The following BARD1 variants were observed in gnomAD, a reference collection of about 807,000 sequenced individuals.
BARD1 encodes BRCA1-associated RING domain protein 1.
Under a neutral mutation model 77.0 loss-of-function variants are expected in BARD1, and 73 were observed. The observed-to-expected ratio is 0.95, with a 90% CI of 0.79 to 1.15. The LOEUF is 1.15. Among genes scored for constraint, BARD1 ranks in the 50% most tolerant of loss-of-function variants. The pLI, the probability that BARD1 is intolerant of heterozygous loss-of-function variation, is 0.00. For missense variants in BARD1, 993 were observed against 938.8 expected (o/e 1.06, Z -0.75); for synonymous variants, 384 against 338.0 (o/e 1.14, Z -1.49).
rs548901932 is a variant in BARD1, at chr2:214,806,490, G to A, written c.158+2922C>T. Among the ~76,000 whole-genome samples, 3 of 152,332 alleles carry A rather than the reference G, an allele frequency of 2.0e-5. No individual in the cohort carries two copies. The South Asian group carries it at 6.2e-4, about 32-fold the overall frequency. On this transcript the variant is annotated intron_variant, in intron 1 of 10. Coordinates refer to ENST00000260947, the MANE Select transcript of BARD1 (RefSeq NM_000465.4). ...AACAATGCTTTTCCTCCTTGAGTAA[G>A]GTGCAGCTGGCCATGCTTTTTTCAC... is the stretch of plus-strand genomic sequence containing the variant.
intron 7 of BARD1, among the ~76,000 whole-genome samples, chr2:214,747,694 T>G: frequency 9.4e-6 from 1 of 105,972 alleles, no homozygotes; most frequent in Non-Finnish European, 1.8e-5. Flanking sequence ...CATCACACTC[T>G]GGGGACTGTT....
intron 3 of BARD1, among the ~76,000 whole-genome samples, chr2:214,789,145 T>A (rs978733901): frequency 5.3e-5 from 8 of 152,148 alleles, no homozygotes; most frequent in Non-Finnish European, 1.0e-4. Context: ...ATACTACCAT[T>A]ATAATTTTTT....
At chr2:214,751,117 G>GTGTATATATATATA (rs1486423673) in intron 7 of BARD1, among the ~76,000 whole-genome samples, 7 of 16,288 alleles carry the variant, frequency 4.3e-4, no homozygotes, top group Non-Finnish European at 8.3e-4. Flanking sequence ...GTGTGTGTGT[G>GTGTATATATATATA]TATATATATA....
chr2:214,808,147 C>T (rs1015852646), intron 1 of BARD1, among the ~76,000 whole-genome samples: 4 of 152,248 alleles, frequency 2.6e-5, no homozygotes, highest in Non-Finnish European at 5.9e-5. Flanking sequence ...CCGTGGCTCA[C>T]GCCTGTAATC....
chr2:214,751,113 GTGTGTATATATATA>G (rs1441200298), intron 7 of BARD1, among the ~76,000 whole-genome samples: 94 of 9,140 alleles, frequency 0.01, no homozygotes, highest in South Asian at 0.054. Flanking sequence ...GTGTGTGTGT[GTGTGTATATATATA>G]TATATATATA....
At chr2:214,735,298 G>C (rs1206234251) in intron 9 of BARD1, among the ~76,000 whole-genome samples, 1 of 152,044 alleles carries the variant, frequency 6.6e-6, no homozygotes, top group Non-Finnish European at 1.5e-5. Context: ...AAAAAACATG[G>C]CATCAACAGA....
At chr2:214,806,616 G>A (rs1042932874) in intron 1 of BARD1, among the ~76,000 whole-genome samples, 1 of 152,198 alleles carries the variant, frequency 6.6e-6, no homozygotes, top group Non-Finnish European at 1.5e-5. Context: ...GCTCACGCCT[G>A]TAATCCCAGC....
chr2:214,748,062 A>T (rs1161588825), intron 7 of BARD1, among the ~76,000 whole-genome samples: 1 of 152,142 alleles, frequency 6.6e-6, no homozygotes, highest in East Asian at 1.9e-4. Flanking sequence ...CACTTCAGCT[A>T]CATTAGTTCT....
intron 6 of BARD1, among the ~76,000 whole-genome samples, chr2:214,766,827 A>G (rs1425903053): frequency 6.6e-6 from 1 of 151,894 alleles, no homozygotes; most frequent in East Asian, 1.9e-4. Context: ...CCCCTTTTTA[A>G]ACTTTTATTC....
intron 4 of BARD1, among the ~76,000 whole-genome samples, chr2:214,774,927 C>T (rs1559417570): frequency 6.6e-6 from 1 of 152,140 alleles, no homozygotes; most frequent in Non-Finnish European, 1.5e-5. Context: ...CTGCTAGCTT[C>T]CAACTTTTCT....
intron 7 of BARD1, among the ~76,000 whole-genome samples, chr2:214,749,011 C>G (rs1257154917): frequency 2.6e-5 from 4 of 151,992 alleles, no homozygotes; most frequent in African/African-American, 4.8e-5. Flanking sequence ...AATAAAAATA[C>G]ATTACATCAA....
intron 9 of BARD1, among the ~76,000 whole-genome samples, chr2:214,738,914 G>A (rs912577799): frequency 2.6e-5 from 4 of 152,118 alleles, no homozygotes; most frequent in African/African-American, 4.8e-5. Flanking sequence ...GGAGGGTGAA[G>A]CAGGAAGACC....
At chr2:214,732,409 T>C (rs1201623525) in intron 9 of BARD1, among the ~76,000 whole-genome samples, 2 of 152,112 alleles carry the variant, frequency 1.3e-5, no homozygotes, top group Non-Finnish European at 2.9e-5. Flanking sequence ...TTTTTTTTTT[T>C]TTCTGAGACA....
chr2:214,770,230 C>T (rs541983961), intron 4 of BARD1, among the ~76,000 whole-genome samples: 3 of 152,308 alleles, frequency 2.0e-5, no homozygotes, highest in East Asian at 1.9e-4. Context: ...CCCTGCTCCC[C>T]GCCCAGTTCA....
rs1046475256 is a variant in BARD1, at chr2:214,727,245, G to T, written c.*1431C>A. The T allele has an allele frequency of 4.4e-6, 1 of 228,554 alleles. No homozygotes were observed. Among genetic ancestry groups the T allele is most frequent in the South Asian group, 1.8e-4 (1 of 5,496 alleles). The allele number at this position is 228,554 out of a possible 1,614,324, so 14.2% of individuals were successfully genotyped here. A position where few individuals can be genotyped will look rare whatever the true frequency, so the allele number is the denominator to read the frequency against. On this transcript the variant is annotated 3_prime_UTR_variant, in exon 11 of 11. Transcript: ENST00000260947. ...GTCAAAGAAAGAATTAAAGCAAAAT[G>T]TGTTTTCAAATGATAAACAGAATCT...
rs1553612199 is a variant in BARD1 at position 214,728,930 on chromosome 2, G to A, written c.2080C>T (p.Leu694Phe). The A allele has an allele frequency of 6.2e-7, 1 of 1,614,070 alleles. No homozygotes were observed. Among genetic ancestry groups the A allele is most frequent in the African/African-American group, 1.3e-5 (1 of 74,922 alleles). Reference sequence around the variant, plus strand: ...ATCTGGCCCCCACCTGCAGTGACGAGCTTAATAAGGTTGTCCTTTGGATGG... The same window carrying A: ...ATCTGGCCCCCACCTGCAGTGACGAACTTAATAAGGTTGTCCTTTGGATGG... ...KHHPKDNLIK[L>F]VTAGGGQILS... The change falls in exon 11 of 11, where the codon CTC (leucine) becomes TTC (phenylalanine). Residue 694 changes from leucine to phenylalanine, a missense_variant. Coordinates refer to ENST00000260947, the MANE Select transcript of BARD1 (RefSeq NM_000465.4).
At position 214,792,575 on chromosome 2, in the gene BARD1, C is replaced by T. The variant is rs1415814301; in HGVS notation, c.216-130G>A. 4.5e-6 allele frequency: 4 copies of T among 880,184 alleles called. No homozygotes were observed. In the African/African-American group the frequency reaches 6.9e-5, roughly 15 times the overall value. The allele number at this position is 880,184 out of a possible 1,614,324, so 54.5% of individuals were successfully genotyped here. ...ACATACAATGGTCAATTGTAATATC[C>T]TTGTTGAATACTGTTTTAAAGAGTA... On this transcript the variant is annotated intron_variant, in intron 2 of 10. Coordinates refer to ENST00000260947, the MANE Select transcript of BARD1 (RefSeq NM_000465.4).
chr2:214,789,136 T>C (rs1488094796), intron 3 of BARD1, among the ~76,000 whole-genome samples: 1 of 152,184 alleles, frequency 6.6e-6, no homozygotes, highest in Non-Finnish European at 1.5e-5. Context: ...CAAAGAAAGA[T>C]ACTACCATTA....
At chr2:214,744,278 A>G (rs1194548146) in intron 9 of BARD1, among the ~76,000 whole-genome samples, 1 of 152,216 alleles carries the variant, frequency 6.6e-6, no homozygotes, top group Non-Finnish European at 1.5e-5. Context: ...TAGCTGGTAT[A>G]GTGACTCCAA....
Sources: allele counts gnomAD v4.1 joint callset (sites outside exome capture counted in the v4.1 genomes callset), GRCh38; gene constraint gnomAD v4.1.1; transcripts MANE v1.5; gene names NCBI Gene and HGNC (gene_info 2026-07-23, HGNC 2026-07-21).